SEC63: variants seen among roughly 807,000 people sequenced by gnomAD.
SEC63 encodes the protein translocation protein SEC63 homolog.
Under a neutral mutation model 116.2 loss-of-function variants are expected in SEC63, and 56 were observed. That is an observed-to-expected ratio of 0.48 (90% confidence interval 0.39 to 0.60). SEC63 has a LOEUF of 0.60. Among genes scored for constraint, SEC63 ranks in the 20% least tolerant of loss-of-function variants. SEC63 has a pLI of 0.00. For missense variants in SEC63, 668 were observed against 900.0 expected (o/e 0.74, Z 3.30); for synonymous variants, 273 against 294.6 (o/e 0.93, Z 0.75).
intron 1 of SEC63, among the ~76,000 whole-genome samples, chr6:107,943,583 G>A (rs1770421165): frequency 6.6e-6 from 1 of 152,176 alleles, no homozygotes; most frequent in African/African-American, 2.4e-5. Flanking sequence ...TCTTTTGAGA[G>A]AAAATTAGTA....
chr6:107,927,219 T>G (rs1387258184), intron 2 of SEC63, among the ~76,000 whole-genome samples: 1 of 152,062 alleles, frequency 6.6e-6, no homozygotes, highest in African/African-American at 2.4e-5. Context: ...CGCACCACCA[T>G]GCCTGGCTAA....
In SEC63 at chr6:107,872,868, C is replaced by G. The variant is rs1308289065; in HGVS notation, c.2079G>C (p.Gln693His). ...FPAPGKPGNY[Q>H]YTVFLRSDSY... is the part of the protein sequence containing the mutation. ...AGTCTGATCTCAGAAACACAGTATA[C>G]TGATAATTTCCAGGCTTGCCTGGTG... The change falls in exon 20 of 21, where the codon CAG becomes CAC. Residue 693 changes from glutamine (Q) to histidine (H), a missense_variant. Transcript: ENST00000369002. 3.9e-6 allele frequency: 6 copies of G among 1,552,936 alleles called. No individual in the cohort carries two copies. The highest frequency in any genetic ancestry group is 5.2e-6 in the Non-Finnish European group (6 of 1,146,724).
chr6:107,919,791 C>T (rs918747745), intron 4 of SEC63, among the ~76,000 whole-genome samples: 2 of 150,924 alleles, frequency 1.3e-5, no homozygotes, highest in South Asian at 2.1e-4. Flanking sequence ...CACTCCACTC[C>T]AGCCTGGGCG....
chr6:107,892,259 C>A (rs546669724), intron 16 of SEC63, among the ~76,000 whole-genome samples: 4 of 152,260 alleles, frequency 2.6e-5, no homozygotes, highest in African/African-American at 9.6e-5. Flanking sequence ...AGAGAGGAGG[C>A]AGTCTGGCCG....
In SEC63 at chr6:107,893,484, T is replaced by C. The variant is rs1393633386; in HGVS notation, c.1672A>G (p.Asn558Asp). The change falls in exon 16 of 21, where the codon AAT (asparagine) becomes GAT (aspartate). Residue 558 changes from asparagine to aspartate, a missense_variant and splice_region_variant. Physicochemically the swap from Asn to Asp is conservative, Grantham distance 23. This residue lies in a region of SEC63 where 430 missense variants were observed against 557.5 expected (regional missense o/e 0.77). Transcript: ENST00000369002. ...AATAACGATAATAATAAACTTACAT[T>C]CCCAACGACTCCATTTGCCTGCTTT... is the stretch of plus-strand genomic sequence containing the variant. ...KQKQANGVVG[N>D]EAAVKEDEEE... is the part of the protein sequence containing the mutation. 5.6e-6 allele frequency: 9 copies of C among 1,612,116 alleles called. No individual in the cohort carries two copies. The highest frequency in any genetic ancestry group is 6.8e-6 in the Non-Finnish European group (8 of 1,179,262).
At chr6:107,904,266 C>T (rs535077244) in intron 11 of SEC63, among the ~76,000 whole-genome samples, 2 of 151,028 alleles carry the variant, frequency 1.3e-5, no homozygotes, top group African/African-American at 4.9e-5. Flanking sequence ...AAAAATTAGC[C>T]AGGTGTGGTG....
intron 13 of SEC63, among the ~76,000 whole-genome samples, chr6:107,899,188 C>T (rs1048589221): frequency 4.7e-4 from 71 of 152,272 alleles, no homozygotes; most frequent in Admixed American, 2.6e-4. Context: ...TCCACCATCT[C>T]CAGCATTATT....
intron 18 of SEC63, among the ~76,000 whole-genome samples, chr6:107,879,695 A>C (rs1341040777): frequency 2.0e-5 from 3 of 151,578 alleles, no homozygotes; most frequent in Admixed American, 6.6e-5. Flanking sequence ...AATTTGAAAA[A>C]GGCATTTTGC....
At chr6:107,890,171 TAA>T (rs202187383) in intron 16 of SEC63, among the ~76,000 whole-genome samples, 13,840 of 152,190 alleles carry the variant, frequency 0.091, 715 homozygotes, top group Non-Finnish European at 0.11. Flanking sequence ...AGTGGGGTGT[TAA>T]AGTCTCCCAC....
At chr6:107,911,321 A>AT (rs1303201877) in intron 7 of SEC63, 25 bp downstream of exon 7, 1 of 1,540,534 alleles carries the variant, frequency 6.5e-7, no homozygotes, top group Non-Finnish European at 9.0e-7. Flanking sequence ...CAAAAAAAAC[A>AT]TTAACTTAAA....
intron 13 of SEC63, among the ~76,000 whole-genome samples, chr6:107,899,716 CA>C (rs35917805): frequency 0.86 from 125,766 of 146,784 alleles, 53,832 homozygotes; most frequent in Middle Eastern, 0.92. Context: ...AAGACTGTCT[CA>C]AAAAAAAAAA....
At chr6:107,872,341 T>C (rs1490153434) in intron 20 of SEC63, among the ~76,000 whole-genome samples, 2 of 152,280 alleles carry the variant, frequency 1.3e-5, no homozygotes, top group East Asian at 1.9e-4. Flanking sequence ...TTTAGCACCA[T>C]CTCTCTAATA....
At chr6:107,948,222 T>C (rs1770514780) in intron 1 of SEC63, among the ~76,000 whole-genome samples, 1 of 152,162 alleles carries the variant, frequency 6.6e-6, no homozygotes, top group Admixed American at 6.5e-5. Flanking sequence ...TTAACACATA[T>C]CGTAATGTGT....
Position 107,893,658 on chromosome 6 carries a change from G to A in SEC63, c.1501-3C>T. 2 of 1,613,700 alleles carry A rather than the reference G, an allele frequency of 1.2e-6. No individual in the cohort carries two copies. The highest frequency in any genetic ancestry group is 8.5e-7 in the Non-Finnish European group (1 of 1,179,906). On this transcript the variant is annotated splice_polypyrimidine_tract_variant and splice_region_variant and intron_variant, in intron 15 of 20. Transcript: ENST00000369002. The stretch of plus-strand genomic sequence containing the variant: ...CTGTTCTTGTTAGTTTCACCCTGCT[G>A]TGAATCATAACACGTCACACTCTTA...
intron 11 of SEC63, among the ~76,000 whole-genome samples, chr6:107,903,596 T>A (rs949844400): frequency 2.6e-5 from 4 of 152,144 alleles, no homozygotes; most frequent in African/African-American, 7.2e-5. Context: ...TTCCAGCTAC[T>A]CGGAGAGCTA....
At chr6:107,878,173 G>A (rs2114398463) in intron 18 of SEC63, among the ~76,000 whole-genome samples, 1 of 152,346 alleles carries the variant, frequency 6.6e-6, no homozygotes, top group South Asian at 2.1e-4. Flanking sequence ...GATCTGGCCT[G>A]CAGACTGCAG....
At chr6:107,922,589 G>T (rs753749719) in intron 3 of SEC63, among the ~76,000 whole-genome samples, 29 of 152,154 alleles carry the variant, frequency 1.9e-4, no homozygotes, top group Non-Finnish European at 3.2e-4. Flanking sequence ...TCAAATCAAA[G>T]GTTAACTTTC....
intron 1 of SEC63, among the ~76,000 whole-genome samples, chr6:107,930,393 C>T (rs187912532): frequency 0.011 from 1,677 of 151,646 alleles, 34 homozygotes; most frequent in African/African-American, 0.038. Context: ...GGCAGATCAC[C>T]TGAGGTCAGG....
At chr6:107,917,402 C>T (rs185305940) in intron 4 of SEC63, among the ~76,000 whole-genome samples, 2 of 152,156 alleles carry the variant, frequency 1.3e-5, no homozygotes, top group East Asian at 3.9e-4. Flanking sequence ...TCCTCTAGGG[C>T]CGCTGGGTTA....
Sources: gnomAD v4.1 joint callset for allele counts (sites outside exome capture counted in the v4.1 genomes callset) on GRCh38, gnomAD v4.1.1 for gene constraint, gnomAD v4.1.1 regional missense constraint, MANE v1.5 for transcripts, NCBI Gene and HGNC (gene_info 2026-07-23, HGNC 2026-07-21) for gene names.